Variants in PAPPA2 observed in about 807,000 individuals in gnomAD.
The protein encoded by PAPPA2 is pappalysin 2.
A neutral mutation model predicts 176.4 loss-of-function variants in PAPPA2; 86 were observed. That is an observed-to-expected ratio of 0.49 (90% CI 0.41 to 0.58). The LOEUF (loss-of-function observed/expected upper bound fraction) is 0.58, where lower values mean the gene tolerates loss of function less well. Ranked by LOEUF, PAPPA2 falls within the 20% of genes least tolerant of loss-of-function variation. PAPPA2 has a pLI of 0.00. For missense variants in PAPPA2, 2,073 were observed against 2,256.9 expected (o/e 0.92, Z 1.65); for synonymous variants, 809 against 852.2 (o/e 0.95, Z 0.88).
intron 3 of PAPPA2, among the ~76,000 whole-genome samples, chr1:176,637,213 C>T (rs1573172051): frequency 6.6e-6 from 1 of 151,926 alleles, no homozygotes; most frequent in African/African-American, 2.4e-5. Flanking sequence ...AAATAAAAGG[C>T]TGAAGAGCAA....
chr1:176,727,474 C>T (rs529167878), intron 12 of PAPPA2, among the ~76,000 whole-genome samples: 1 of 152,072 alleles, frequency 6.6e-6, no homozygotes, highest in Non-Finnish European at 1.5e-5. Context: ...GAGCATATTT[C>T]ATAATGATAA....
At chr1:176,472,555 A>G (rs1390839998) in intron 1 of PAPPA2, among the ~76,000 whole-genome samples, 1 of 152,142 alleles carries the variant, frequency 6.6e-6, no homozygotes, top group East Asian at 1.9e-4. Flanking sequence ...TTAATGGGAA[A>G]TGGTACTTAC....
chr1:176,669,387 A>G (rs978874466), intron 3 of PAPPA2, among the ~76,000 whole-genome samples: 4 of 151,940 alleles, frequency 2.6e-5, no homozygotes, highest in Non-Finnish European at 5.9e-5. Context: ...CTCACTTGAT[A>G]TCATCATCAC....
intron 3 of PAPPA2, among the ~76,000 whole-genome samples, chr1:176,613,252 C>T (rs940890350): frequency 2.6e-5 from 4 of 152,216 alleles, no homozygotes; most frequent in Non-Finnish European, 5.9e-5. Context: ...AAACCAGCTG[C>T]TGTAAACCTC....
chr1:176,679,203 A>G (rs1055769736), intron 4 of PAPPA2, among the ~76,000 whole-genome samples: 1 of 152,138 alleles, frequency 6.6e-6, no homozygotes, highest in African/African-American at 2.4e-5. Context: ...CCTGAGTTTT[A>G]TCCTTGACCC....
intron 3 of PAPPA2, among the ~76,000 whole-genome samples, chr1:176,652,227 A>G (rs1325943519): frequency 6.6e-6 from 1 of 151,648 alleles, no homozygotes; most frequent in Non-Finnish European, 1.5e-5. Flanking sequence ...TCTTGTGGAT[A>G]TACATCTACA....
At chr1:176,605,345 T>C (rs1201254109) in intron 3 of PAPPA2, among the ~76,000 whole-genome samples, 1 of 152,216 alleles carries the variant, frequency 6.6e-6, no homozygotes, top group Non-Finnish European at 1.5e-5. Flanking sequence ...TCATGTTAAC[T>C]GCAGAAACTG....
intron 4 of PAPPA2, among the ~76,000 whole-genome samples, chr1:176,672,056 TATA>T (rs1024338414): frequency 1.3e-5 from 2 of 150,700 alleles, no homozygotes; most frequent in African/African-American, 4.9e-5. Flanking sequence ...AAACTTAAAG[TATA>T]ATAATAATAA....
At chr1:176,777,008 C>G (rs1345840140) in intron 17 of PAPPA2, among the ~76,000 whole-genome samples, 1 of 151,958 alleles carries the variant, frequency 6.6e-6, no homozygotes, top group Non-Finnish European at 1.5e-5. Flanking sequence ...ATTCTGACTC[C>G]AAAAACTGTG....
chr1:176,740,039 A>G lies in PAPPA2; in HGVS notation c.3994A>G (p.Asn1332Asp), dbSNP rs1662601769. 1.2e-6 allele frequency: 2 copies of G among 1,613,928 alleles called. No individual in the cohort carries two copies. Among genetic ancestry groups the G allele is most frequent in the East Asian group, 2.2e-5 (1 of 44,870 alleles). Reference protein sequence around the residue: ...PLIINVTHHQNVLFHHTTSVL... With the variant: ...PLIINVTHHQDVLFHHTTSVL... Reference sequence around the variant, plus strand: ...GATTATCAATGTGACCCATCACCAGAATGTCCTTTTCCACCATACCACCTC... The same window carrying G: ...GATTATCAATGTGACCCATCACCAGGATGTCCTTTTCCACCATACCACCTC... Residue 1332 changes from asparagine (N) to aspartate (D), a missense_variant, in exon 14 of 23, where the codon AAT becomes GAT. Transcript: ENST00000367662.
Position 176,623,754 on chromosome 1 carries a change from C to T in PAPPA2, c.1991+28159C>T, listed in dbSNP as rs1490041954. 1.5e-4 allele frequency among the ~76,000 whole-genome samples: 6 copies of T among 40,986 alleles called. No homozygotes were observed. The East Asian group carries it at 2.9e-3, about 20-fold the overall frequency. 26.9% of individuals were successfully genotyped at this position (40,986 alleles called of 152,430 possible). A position where few individuals can be genotyped will look rare whatever the true frequency, so the allele number is the denominator to read the frequency against. Reference sequence around the variant, plus strand: ...TTTCTTTCTTTCTCTCTCTTTCCTTCCTTCCTTTCTTTCTTTCTTTCTTTC... The same window carrying T: ...TTTCTTTCTTTCTCTCTCTTTCCTTTCTTCCTTTCTTTCTTTCTTTCTTTC... On this transcript the variant is annotated intron_variant, in intron 3 of 22. Transcript: ENST00000367662.
chr1:176,673,300 C>A (rs1365819651), intron 4 of PAPPA2, among the ~76,000 whole-genome samples: 1 of 152,062 alleles, frequency 6.6e-6, no homozygotes, highest in East Asian at 1.9e-4. Context: ...AATGGGTGGA[C>A]TAGAAAGTCA....
chr1:176,623,427 T>C (rs1359261785), intron 3 of PAPPA2, among the ~76,000 whole-genome samples: 1 of 152,144 alleles, frequency 6.6e-6, no homozygotes, highest in African/African-American at 2.4e-5. Context: ...AAATGAATAG[T>C]GCAAACTTCA....
At chr1:176,783,620 A>G (rs1664809311) in intron 17 of PAPPA2, among the ~76,000 whole-genome samples, 1 of 152,194 alleles carries the variant, frequency 6.6e-6, no homozygotes, top group Non-Finnish European at 1.5e-5. Flanking sequence ...AGGGAAAATA[A>G]ATACAAACCT....
At chr1:176,710,237 T>C (rs544296466) in intron 11 of PAPPA2, 61 bp downstream of exon 11, 207 of 1,425,854 alleles carry the variant, frequency 1.5e-4, no homozygotes, top group Non-Finnish European at 1.3e-4. Flanking sequence ...ACTCCCCCTA[T>C]GCTTACACTT....
At chr1:176,532,181 A>T (rs1174795234) in intron 1 of PAPPA2, among the ~76,000 whole-genome samples, 5 of 152,178 alleles carry the variant, frequency 3.3e-5, no homozygotes, top group Admixed American at 6.5e-5. Flanking sequence ...CTTAGGCATA[A>T]ATTGCTGACC....
chr1:176,564,358 G>A (rs1651837272), intron 2 of PAPPA2, among the ~76,000 whole-genome samples: 2 of 152,210 alleles, frequency 1.3e-5, no homozygotes. Context: ...GGGCCATGCA[G>A]TCTCTGTTGC....
chr1:176,489,751 A>G (rs1652809111), intron 1 of PAPPA2, among the ~76,000 whole-genome samples: 2 of 152,226 alleles, frequency 1.3e-5, no homozygotes, highest in Admixed American at 6.5e-5. Flanking sequence ...GCTCAGGTCC[A>G]TTGCTGCCTT....
chr1:176,695,664 C>A, intron 6 of PAPPA2, 74 bp from the exon 7 acceptor site: 1 of 1,540,934 alleles, frequency 6.5e-7, no homozygotes, highest in Non-Finnish European at 8.9e-7. Context: ...ACACAAAGGT[C>A]TTTCTAATTT....
Sources: allele counts gnomAD v4.1 joint callset (sites outside exome capture counted in the v4.1 genomes callset), GRCh38; gene constraint gnomAD v4.1.1; transcripts MANE v1.5; gene names NCBI Gene and HGNC (gene_info 2026-07-23, HGNC 2026-07-21).